The following STXBP4 variants were observed in gnomAD, a reference collection of about 807,000 sequenced individuals.
STXBP4 encodes the protein syntaxin-binding protein 4.
A neutral mutation model predicts 76.1 loss-of-function variants in STXBP4; 55 were observed. The observed-to-expected ratio is 0.72, with a 90% CI of 0.58 to 0.91. The LOEUF (loss-of-function observed/expected upper bound fraction) is 0.91. STXBP4 is among the 40% of genes least tolerant of loss of function. The pLI is 0.00. For missense variants in STXBP4, 618 were observed against 636.9 expected (o/e 0.97, Z 0.32); for synonymous variants, 201 against 220.2 (o/e 0.91, Z 0.77).
At position 55,144,532 on chromosome 17, in the gene STXBP4, T is replaced by C. The variant is rs117175041; in HGVS notation, c.1547+3165T>C. 2.5e-3 allele frequency among the ~76,000 whole-genome samples: 388 copies of C among 152,300 alleles called. 8 individuals carry two copies. In the East Asian group the frequency reaches 0.043, roughly 17 times the overall value. ...ACACAGTAGAGACACAGCTGTCATC[T>C]CTTGCTTCTCTCAGTGTCCCTGTTC... On this transcript the variant is annotated intron_variant, in intron 17 of 17. Coordinates refer to ENST00000376352, the MANE Select transcript of STXBP4 (RefSeq NM_178509.6).
intron 17 of STXBP4, among the ~76,000 whole-genome samples, chr17:55,152,932 A>T (rs1043633685): frequency 4.6e-5 from 7 of 152,184 alleles, no homozygotes; most frequent in African/African-American, 1.4e-4. Context: ...CCCCTTTCAG[A>T]TGGTCACTTA....
At chr17:54,972,062 A>G (rs924636570) in intron 1 of STXBP4, among the ~76,000 whole-genome samples, 3 of 152,208 alleles carry the variant, frequency 2.0e-5, no homozygotes, top group Middle Eastern at 3.2e-3. Context: ...CTGTGCTTCA[A>G]TCAGTGAGTC....
intron 16 of STXBP4, among the ~76,000 whole-genome samples, chr17:55,130,194 T>C (rs1369992159): frequency 1.3e-5 from 2 of 152,154 alleles, no homozygotes; most frequent in African/African-American, 2.4e-5. Flanking sequence ...ATACTCCAGA[T>C]AAAAACTTAC....
the STXBP4 span, among the ~76,000 whole-genome samples, chr17:55,186,131 C>T: frequency 6.6e-6 from 1 of 152,214 alleles, no homozygotes; most frequent in African/African-American, 2.4e-5. Flanking sequence ...TCTACAAACC[C>T]TCCACGTGAT....
At position 55,104,371 on chromosome 17, in the gene STXBP4, C is replaced by G. The variant is rs139174792; in HGVS notation, c.1489+23188C>G. Among the ~76,000 whole-genome samples, 38 of 152,216 alleles carry G rather than the reference C, an allele frequency of 2.5e-4. No individual in the cohort carries two copies. In the East Asian group the frequency reaches 6.4e-3, roughly 26 times the overall value. ...ATTTTATGGAAGGCCTTTTCTCTATCTATGGAGATAATCATGTGGTTTTTG... is the reference window on the plus strand; with the variant it reads ...ATTTTATGGAAGGCCTTTTCTCTATGTATGGAGATAATCATGTGGTTTTTG... On this transcript the variant is annotated intron_variant, in intron 16 of 17. Coordinates refer to ENST00000376352, the MANE Select transcript of STXBP4 (RefSeq NM_178509.6).
intron 1 of STXBP4, among the ~76,000 whole-genome samples, chr17:54,973,598 T>C (rs548662132): frequency 2.2e-4 from 34 of 152,306 alleles, no homozygotes; most frequent in African/African-American, 8.2e-4. Context: ...GATGCTGAAA[T>C]GAATATTTTT....
At chr17:55,184,034 T>G in the STXBP4 span, among the ~76,000 whole-genome samples, 5 of 152,178 alleles carry the variant, frequency 3.3e-5, no homozygotes, top group African/African-American at 1.2e-4. Flanking sequence ...TACACTTTTT[T>G]TTTCAAATAC....
chr17:55,059,686 G>T (rs1449807479), intron 12 of STXBP4, among the ~76,000 whole-genome samples: 2 of 152,058 alleles, frequency 1.3e-5, no homozygotes, highest in Non-Finnish European at 2.9e-5. Context: ...ACTTAGAAAT[G>T]CAGTCTTAGG....
At position 55,097,425 on chromosome 17, in the gene STXBP4, G is replaced by A. The variant is rs970290692; in HGVS notation, c.1489+16242G>A. 1.5e-3 allele frequency among the ~76,000 whole-genome samples: 234 copies of A among 152,030 alleles called. 1 individual carries two copies. The highest frequency in any genetic ancestry group is 4.9e-3 in the East Asian group (25 of 5,142). ...ATGCCTGTAATCCCAGCACTTTGGG[G>A]GGCCAAGGCGGGCGGATCACGAGGT... is the stretch of plus-strand genomic sequence containing the variant. On this transcript the variant is annotated intron_variant, in intron 16 of 17. Coordinates refer to ENST00000376352, the MANE Select transcript of STXBP4 (RefSeq NM_178509.6).
intron 12 of STXBP4, among the ~76,000 whole-genome samples, chr17:55,064,654 C>T (rs1183915911): frequency 6.6e-6 from 1 of 151,468 alleles, no homozygotes; most frequent in Admixed American, 6.6e-5. Flanking sequence ...ACCCGCCACC[C>T]GCCACCATGC....
chr17:54,996,831 C>A (rs1221903384), intron 4 of STXBP4, among the ~76,000 whole-genome samples: 1 of 152,152 alleles, frequency 6.6e-6, no homozygotes, highest in Non-Finnish European at 1.5e-5. Context: ...TAGATGGTTT[C>A]TCATAATATT....
chr17:55,076,389 A>G (rs2079181709), intron 13 of STXBP4, among the ~76,000 whole-genome samples: 2 of 152,168 alleles, frequency 1.3e-5, no homozygotes. Flanking sequence ...ATCTGATGAT[A>G]ATAAGCTCTC....
At chr17:55,102,644 T>C (rs891627747) in intron 16 of STXBP4, among the ~76,000 whole-genome samples, 1 of 152,210 alleles carries the variant, frequency 6.6e-6, no homozygotes, top group Admixed American at 6.5e-5. Context: ...ATATACGCAG[T>C]AATGGGATTG....
At chr17:55,157,350 G>A (rs2080290378) in intron 17 of STXBP4, among the ~76,000 whole-genome samples, 1 of 152,156 alleles carries the variant, frequency 6.6e-6, no homozygotes, top group African/African-American at 2.4e-5. Context: ...GCCCTCTCAT[G>A]TTACACTCAT....
chr17:55,015,094 T>G (rs2078181214), intron 8 of STXBP4, among the ~76,000 whole-genome samples: 1 of 152,206 alleles, frequency 6.6e-6, no homozygotes, highest in Admixed American at 6.5e-5. Context: ...TAAGATTAGT[T>G]GGCCTTCAAT....
At chr17:55,011,921 G>A (rs2078123499) in intron 8 of STXBP4, among the ~76,000 whole-genome samples, 1 of 152,150 alleles carries the variant, frequency 6.6e-6, no homozygotes, top group African/African-American at 2.4e-5. Flanking sequence ...TGCTGAACTG[G>A]GGTGTAGTAG....
chr17:55,205,323 A>G, the STXBP4 span, among the ~76,000 whole-genome samples: 2 of 152,080 alleles, frequency 1.3e-5, no homozygotes, highest in East Asian at 3.8e-4. Flanking sequence ...AGCATTTGCC[A>G]TCATATAAAA....
chr17:55,206,013 T>C, the STXBP4 span, among the ~76,000 whole-genome samples: 8 of 152,186 alleles, frequency 5.3e-5, no homozygotes, highest in East Asian at 1.2e-3. Flanking sequence ...AATAGTATAT[T>C]ATATACTTAT....
chr17:55,015,689 CTT>C (rs2078195059), intron 8 of STXBP4, among the ~76,000 whole-genome samples: 1 of 151,674 alleles, frequency 6.6e-6, no homozygotes, highest in African/African-American at 2.4e-5. Flanking sequence ...TTGTTTACCC[CTT>C]TGTCTATCTC....
Sources: gnomAD v4.1 joint callset for allele counts (sites outside exome capture counted in the v4.1 genomes callset) on GRCh38, gnomAD v4.1.1 for gene constraint, MANE v1.5 for transcripts, NCBI Gene and HGNC (gene_info 2026-07-23, HGNC 2026-07-21) for gene names.